CA10: variants seen among roughly 807,000 people sequenced by gnomAD.
CA10 encodes the protein carbonic anhydrase 10 (inactive), also known as carbonic anhydrase-related protein 10.
Under a neutral mutation model 44.2 loss-of-function variants are expected in CA10, and 14 were observed. That is an observed-to-expected ratio of 0.32 (90% confidence interval 0.21 to 0.50). The LOEUF is 0.50. Ranked by LOEUF, CA10 falls within the 20% of genes least tolerant of loss-of-function variation. The probability of loss-of-function intolerance (pLI) is 0.99; values close to 1 mark genes in which losing one functional copy is unlikely to be tolerated. For missense variants in CA10, 350 were observed against 409.7 expected, an observed-to-expected ratio of 0.85 and a Z score of 1.26; for synonymous variants, 159 against 141.6, an observed-to-expected ratio of 1.12 and a Z score of -0.87.
At chr17:51,653,775 A>T in intron 4 of CA10, 39 bp from the exon 5 acceptor site, 2 of 1,236,610 alleles carry the variant, frequency 1.6e-6, no homozygotes, top group East Asian at 4.6e-5. Flanking sequence ...ACAATAATCC[A>T]ACATTAAAAG....
intron 3 of CA10, among the ~76,000 whole-genome samples, chr17:51,843,049 T>C (rs2143808117): frequency 6.6e-6 from 1 of 152,340 alleles, no homozygotes; most frequent in African/African-American, 2.4e-5. Flanking sequence ...TTGATGGAGA[T>C]ACTGAAGTGA....
rs370141001 is a variant in CA10, at chr17:52,049,216, C to T, written c.136+23103G>A. Among the ~76,000 whole-genome samples the T allele has an allele frequency of 9.9e-5, 15 of 152,130 alleles. No individual in the cohort carries two copies. The East Asian group carries it at 1.7e-3, about 18-fold the overall frequency. ...AGAGTCTCACTGAATCCAGGTGTGA[C>T]CACAGGATGCTCAGAATAGTACCAT... On this transcript the variant is annotated intron_variant, in intron 2 of 8. Coordinates refer to ENST00000451037, the MANE Select transcript of CA10 (RefSeq NM_020178.5).
intron 4 of CA10, among the ~76,000 whole-genome samples, chr17:51,663,197 C>CTT (rs772717489): frequency 0.83 from 117,189 of 141,992 alleles, 47,187 homozygotes; most frequent in East Asian, 0.93. Context: ...TTCCGTGATG[C>CTT]TTTTTTTTTT....
chr17:51,683,124 G>A (rs1362384850), intron 4 of CA10, among the ~76,000 whole-genome samples: 1 of 152,196 alleles, frequency 6.6e-6, no homozygotes, highest in Non-Finnish European at 1.5e-5. Context: ...ATATGGATGT[G>A]GAAAGTAGCT....
chr17:51,805,436 G>A (rs531724802), intron 3 of CA10, among the ~76,000 whole-genome samples: 1 of 152,272 alleles, frequency 6.6e-6, no homozygotes, highest in East Asian at 1.9e-4. Context: ...TAACCAGGGT[G>A]ACAAGATAAG....
At chr17:51,959,271 G>GCT (rs1344275121) in intron 2 of CA10, among the ~76,000 whole-genome samples, 1,500 of 51,656 alleles carry the variant, frequency 0.029, 20 homozygotes, top group Non-Finnish European at 0.034. Context: ...TCTCTCTCTC[G>GCT]CTCTCTCTCT....
rs1228651212 is a variant in CA10, at chr17:51,735,739, T to C, written c.465+11894A>G. On this transcript the variant is annotated intron_variant, in intron 4 of 8. Coordinates refer to ENST00000451037, the MANE Select transcript of CA10 (RefSeq NM_020178.5). ...CTGTTCTGTCTCCTGATTGTGCTGA[T>C]GGTCATCCAAATCTATATACCTGTT... Among the ~76,000 whole-genome samples the C allele has an allele frequency of 2.0e-5, 3 of 152,088 alleles. No homozygotes were observed. In the East Asian group the frequency reaches 5.8e-4, roughly 29 times the overall value.
chr17:52,006,924 T>A (rs993598741), intron 2 of CA10, among the ~76,000 whole-genome samples: 1 of 151,796 alleles, frequency 6.6e-6, no homozygotes, highest in Non-Finnish European at 1.5e-5. Context: ...TTTCATCCAA[T>A]CTTTTAGATC....
intron 3 of CA10, among the ~76,000 whole-genome samples, chr17:51,849,896 G>A (rs1978713659): frequency 6.6e-6 from 1 of 152,228 alleles, no homozygotes; most frequent in South Asian, 2.1e-4. Flanking sequence ...GTTGAATATG[G>A]GATGTGAATA....
At chr17:51,885,852 T>C (rs1980575917) in intron 3 of CA10, among the ~76,000 whole-genome samples, 1 of 152,194 alleles carries the variant, frequency 6.6e-6, no homozygotes, top group South Asian at 2.1e-4. Flanking sequence ...TAGGGTAGAT[T>C]TGCCTTCTTA....
At chr17:51,814,096 C>T (rs1158245976) in intron 3 of CA10, among the ~76,000 whole-genome samples, 1 of 152,192 alleles carries the variant, frequency 6.6e-6, no homozygotes, top group Non-Finnish European at 1.5e-5. Context: ...TCATTTCTAG[C>T]TGCATGATCT....
chr17:52,092,628 G>A (rs1031121597), intron 1 of CA10, among the ~76,000 whole-genome samples: 1 of 152,222 alleles, frequency 6.6e-6, no homozygotes, highest in South Asian at 2.1e-4. Context: ...AGAGCAACCA[G>A]CCCTCCATCC....
intron 1 of CA10, among the ~76,000 whole-genome samples, chr17:52,074,279 T>C (rs567080143): frequency 3.3e-5 from 5 of 152,192 alleles, no homozygotes; most frequent in Non-Finnish European, 7.4e-5. Flanking sequence ...GATAATTCTC[T>C]AAACTTCAGC....
At chr17:52,125,677 T>TA (rs1202497961) in intron 1 of CA10, among the ~76,000 whole-genome samples, 1 of 152,188 alleles carries the variant, frequency 6.6e-6, no homozygotes, top group Non-Finnish European at 1.5e-5. Flanking sequence ...CAGTTATCCT[T>TA]ATAGTTTTTT....
chr17:51,716,449 GA>G (rs2143509179), intron 4 of CA10, among the ~76,000 whole-genome samples: 1 of 151,812 alleles, frequency 6.6e-6, no homozygotes, highest in African/African-American at 2.4e-5. Flanking sequence ...TTTTGGCCTC[GA>G]AAAATGATAT....
At chr17:52,152,112 C>T (rs976473942) in intron 1 of CA10, among the ~76,000 whole-genome samples, 3 of 152,038 alleles carry the variant, frequency 2.0e-5, no homozygotes, top group East Asian at 1.9e-4. Flanking sequence ...AGTTCACCCC[C>T]TACGAAAAAA....
intron 1 of CA10, among the ~76,000 whole-genome samples, chr17:52,089,813 T>G (rs1324681917): frequency 6.6e-6 from 1 of 152,096 alleles, no homozygotes; most frequent in Non-Finnish European, 1.5e-5. Context: ...TATAAAACCA[T>G]GGATACATAT....
chr17:51,713,875 G>T (rs1217413512), intron 4 of CA10, among the ~76,000 whole-genome samples: 1 of 152,196 alleles, frequency 6.6e-6, no homozygotes, highest in African/African-American at 2.4e-5. Context: ...GCAGTTCTCA[G>T]AAAGAATGAA....
intron 1 of CA10, among the ~76,000 whole-genome samples, chr17:52,142,457 T>C (rs2143387331): frequency 6.6e-6 from 1 of 152,326 alleles, no homozygotes; most frequent in Non-Finnish European, 1.5e-5. Flanking sequence ...TACTAAATGC[T>C]TTACTTTCAT....
Sources: allele counts gnomAD v4.1 joint callset (sites outside exome capture counted in the v4.1 genomes callset), GRCh38; gene constraint gnomAD v4.1.1; transcripts MANE v1.5; gene names NCBI Gene and HGNC (gene_info 2026-07-23, HGNC 2026-07-21).